HMGCLL1: variants seen among roughly 807,000 people sequenced by gnomAD.
HMGCLL1 encodes the protein 3-hydroxymethyl-3-methylglutaryl-CoA lyase, cytoplasmic.
A neutral mutation model predicts 39.1 loss-of-function variants in HMGCLL1; 36 were observed. The ratio of observed to expected loss-of-function variants is 0.92; its 90% CI spans 0.71 to 1.22. The LOEUF (loss-of-function observed/expected upper bound fraction) is 1.22, where lower values mean the gene tolerates loss of function less well. HMGCLL1 is among the 50% of genes most tolerant of loss of function. HMGCLL1 has a pLI of 0.00. For synonymous variants in HMGCLL1, 149 were observed against 144.0 expected (o/e 1.03, Z -0.25); for missense variants, 451 against 416.5 (o/e 1.08, Z -0.72).
the HMGCLL1 span, among the ~76,000 whole-genome samples, chr6:55,650,118 T>C: frequency 6.0e-4 from 49 of 81,304 alleles, 3 homozygotes; most frequent in African/African-American, 2.3e-3. Context: ...TATATATATA[T>C]ATATATATAT....
intron 1 of HMGCLL1, among the ~76,000 whole-genome samples, chr6:55,544,305 G>A (rs1769830642): frequency 6.6e-6 from 1 of 151,986 alleles, no homozygotes; most frequent in Admixed American, 6.6e-5. Context: ...TAAAATCGGG[G>A]GAAAACGAAA....
chr6:55,506,007 A>C (rs183093049), intron 5 of HMGCLL1, among the ~76,000 whole-genome samples: 1 of 151,678 alleles, frequency 6.6e-6, no homozygotes, highest in Non-Finnish European at 1.5e-5. Flanking sequence ...CAAGTAAATT[A>C]AATAGGTTGC....
At chr6:55,568,616 T>G (rs1771326106) in intron 1 of HMGCLL1, among the ~76,000 whole-genome samples, 1 of 152,210 alleles carries the variant, frequency 6.6e-6, no homozygotes, top group Non-Finnish European at 1.5e-5. Flanking sequence ...CTACGTAGAC[T>G]AACAATACAT....
At chr6:55,593,979 A>G in the HMGCLL1 span, among the ~76,000 whole-genome samples, 1 of 152,180 alleles carries the variant, frequency 6.6e-6, no homozygotes, top group East Asian at 1.9e-4. Context: ...TATTACTTAT[A>G]TATACTTCCC....
intron 7 of HMGCLL1, among the ~76,000 whole-genome samples, chr6:55,475,056 A>G (rs531040235): frequency 2.0e-5 from 3 of 151,574 alleles, no homozygotes; most frequent in South Asian, 4.2e-4. Context: ...GTGGGTTTTA[A>G]ATGTTGACCT....
intron 7 of HMGCLL1, among the ~76,000 whole-genome samples, chr6:55,488,399 A>G (rs1197115929): frequency 6.6e-6 from 1 of 152,062 alleles, no homozygotes; most frequent in African/African-American, 2.4e-5. Flanking sequence ...TTCACATTTA[A>G]TTAGATAGAT....
chr6:55,539,276 T>TTAGA, intron 3 of HMGCLL1, among the ~76,000 whole-genome samples: 1 of 152,170 alleles, frequency 6.6e-6, no homozygotes, highest in South Asian at 2.1e-4. Context: ...ATTAAAGAAC[T>TTAGA]TAGAATGTGA....
chr6:55,457,168 A>G (rs113990562), intron 7 of HMGCLL1, among the ~76,000 whole-genome samples: 279 of 152,226 alleles, frequency 1.8e-3, no homozygotes, highest in African/African-American at 6.5e-3. Context: ...AACTTGAATT[A>G]TTTTCTACCA....
chr6:55,675,536 A>T, the HMGCLL1 span, among the ~76,000 whole-genome samples: 1 of 152,118 alleles, frequency 6.6e-6, no homozygotes, highest in Non-Finnish European at 1.5e-5. Flanking sequence ...TAAAGGATGT[A>T]ATGCCTAGAT....
chr6:55,670,520 T>A, the HMGCLL1 span, among the ~76,000 whole-genome samples: 1 of 151,818 alleles, frequency 6.6e-6, no homozygotes, highest in Non-Finnish European at 1.5e-5. Flanking sequence ...ATTGTTAGGA[T>A]TGTCAATATA....
intron 1 of HMGCLL1, among the ~76,000 whole-genome samples, chr6:55,548,870 AGTACAT>A (rs1413793502): frequency 2.0e-5 from 3 of 150,492 alleles, no homozygotes; most frequent in Non-Finnish European, 2.9e-5. Flanking sequence ...AATGAGACAA[AGTACAT>A]GTAAGAAGAA....
chr6:55,592,717 G>A, the HMGCLL1 span, among the ~76,000 whole-genome samples: 1 of 152,068 alleles, frequency 6.6e-6, no homozygotes, highest in Non-Finnish European at 1.5e-5. Context: ...ATGAGAACAA[G>A]TACTAACGTC....
chr6:55,580,088 G>T (rs1771946963), upstream of HMGCLL1, among the ~76,000 whole-genome samples: 1 of 152,124 alleles, frequency 6.6e-6, no homozygotes, highest in Non-Finnish European at 1.5e-5. Context: ...ATACGCATCA[G>T]CCCTGGTGGC....
chr6:55,503,388 C>T (rs1012007202), intron 5 of HMGCLL1, among the ~76,000 whole-genome samples: 2 of 151,756 alleles, frequency 1.3e-5, no homozygotes, highest in African/African-American at 4.8e-5. Context: ...CATTACTACA[C>T]TACTAGGTAC....
the HMGCLL1 span, among the ~76,000 whole-genome samples, chr6:55,589,074 A>G: frequency 6.6e-6 from 1 of 152,220 alleles, no homozygotes; most frequent in Non-Finnish European, 1.5e-5. Context: ...CATCATCCTG[A>G]TACCAAAGCC....
At chr6:55,509,959 A>G (rs936559484) in intron 5 of HMGCLL1, among the ~76,000 whole-genome samples, 1 of 151,972 alleles carries the variant, frequency 6.6e-6, no homozygotes, top group African/African-American at 2.4e-5. Flanking sequence ...CATTTTATTT[A>G]AAAAATTATG....
At chr6:55,502,305 C>G (rs757588106) in intron 5 of HMGCLL1, among the ~76,000 whole-genome samples, 12 of 151,700 alleles carry the variant, frequency 7.9e-5, no homozygotes, top group Non-Finnish European at 1.8e-4. Context: ...ACTGTTCTAT[C>G]TGTTTCTATC....
the HMGCLL1 span, among the ~76,000 whole-genome samples, chr6:55,631,857 G>C: frequency 1.3e-5 from 2 of 152,036 alleles, no homozygotes; most frequent in African/African-American, 2.4e-5. Flanking sequence ...TGTCAGGTAG[G>C]TCTGACTCTG....
At chr6:55,451,730 C>T (rs1210288829) in intron 7 of HMGCLL1, among the ~76,000 whole-genome samples, 2 of 151,836 alleles carry the variant, frequency 1.3e-5, no homozygotes, top group Non-Finnish European at 2.9e-5. Context: ...GGGAGACATA[C>T]CTAATGTTGT....
Sources: gnomAD v4.1 joint callset for allele counts (sites outside exome capture counted in the v4.1 genomes callset) on GRCh38, gnomAD v4.1.1 for gene constraint, MANE v1.5 for transcripts, NCBI Gene and HGNC (gene_info 2026-07-23, HGNC 2026-07-21) for gene names.